Variants in APBA1 observed in about 807,000 individuals in gnomAD.
APBA1 encodes the protein amyloid-beta A4 precursor protein-binding family A member 1.
APBA1 carries 55 observed loss-of-function variants against 86.6 expected under a neutral mutation model. The observed-to-expected ratio is 0.64, with a 90% confidence interval of 0.51 to 0.80. The LOEUF (loss-of-function observed/expected upper bound fraction) is 0.80. Among genes scored for constraint, APBA1 ranks in the 30% least tolerant of loss-of-function variants. The pLI is 0.00. For synonymous variants in APBA1, 511 were observed against 493.9 expected (o/e 1.03, Z -0.46); for missense variants, 1,090 against 1,183.0 (o/e 0.92, Z 1.15).
intron 1 of APBA1, among the ~76,000 whole-genome samples, chr9:69,665,477 C>G (rs994639843): frequency 6.6e-6 from 1 of 152,202 alleles, no homozygotes; most frequent in Non-Finnish European, 1.5e-5. Flanking sequence ...GGTAAACGAG[C>G]TTTACCCTCA....
At chr9:69,601,635 T>A (rs112401121) in intron 1 of APBA1, among the ~76,000 whole-genome samples, 5 of 152,356 alleles carry the variant, frequency 3.3e-5, no homozygotes, top group African/African-American at 1.2e-4. Flanking sequence ...ATAGGGACTT[T>A]AAACTGATTT....
intron 1 of APBA1, among the ~76,000 whole-genome samples, chr9:69,662,245 G>A (rs1394503121): frequency 6.6e-6 from 1 of 152,150 alleles, no homozygotes; most frequent in Non-Finnish European, 1.5e-5. Context: ...GAACCTCTGA[G>A]AACCTCAAAG....
Position 69,517,261 on chromosome 9 carries a change from C to G in APBA1, c.-51G>C. 4.9e-6 allele frequency: 7 copies of G among 1,416,852 alleles called. No homozygotes were observed. Among genetic ancestry groups the G allele is most frequent in the South Asian group, 3.1e-5 (2 of 64,456 alleles). The allele number at this position is 1,416,852 out of a possible 1,614,324, so 87.8% of individuals were successfully genotyped here. A position where few individuals can be genotyped will look rare whatever the true frequency, so the allele number is the denominator to read the frequency against. ...GAAGCTGGGCCCGGCTCACTGCGCT[C>G]TCATTTTGCTCCACTGGGCTGGAAA... On this transcript the variant is annotated 5_prime_UTR_variant, in exon 2 of 13. Coordinates refer to ENST00000265381, the MANE Select transcript of APBA1 (RefSeq NM_001163.4).
intron 9 of APBA1, among the ~76,000 whole-genome samples, chr9:69,451,568 C>T (rs775935386): frequency 6.6e-6 from 1 of 152,094 alleles, no homozygotes; most frequent in Non-Finnish European, 1.5e-5. Context: ...GATCTCCAGG[C>T]TTCCAACCAT....
intron 1 of APBA1, among the ~76,000 whole-genome samples, chr9:69,559,841 T>C (rs1836921010): frequency 6.6e-6 from 1 of 152,230 alleles, no homozygotes; most frequent in Non-Finnish European, 1.5e-5. Flanking sequence ...TGGGTTTGAT[T>C]TTAGCAATGC....
intron 2 of APBA1, among the ~76,000 whole-genome samples, chr9:69,486,273 A>G (rs1479071057): frequency 6.6e-6 from 1 of 151,990 alleles, no homozygotes; most frequent in African/African-American, 2.4e-5. Context: ...CTGACTGAAC[A>G]TCTCTCTTAG....
At chr9:69,599,909 G>A (rs993242121) in intron 1 of APBA1, among the ~76,000 whole-genome samples, 2 of 152,172 alleles carry the variant, frequency 1.3e-5, no homozygotes, top group Non-Finnish European at 2.9e-5. Flanking sequence ...GGCTTCATGC[G>A]TTTTTACAAG....
intron 1 of APBA1, among the ~76,000 whole-genome samples, chr9:69,521,368 C>T (rs1202488266): frequency 2.0e-5 from 3 of 152,182 alleles, no homozygotes; most frequent in Non-Finnish European, 2.9e-5. Flanking sequence ...ATATTTTAAC[C>T]TATAACTTTT....
intron 5 of APBA1, chr9:69,462,343 T>C (rs575267887): frequency 1.8e-4 from 27 of 152,280 alleles, no homozygotes; most frequent in Admixed American, 9.8e-4. Context: ...AATGAGCTCA[T>C]TGTGCTGGCT....
chr9:69,538,212 A>G lies in APBA1; in HGVS notation c.-69-20933T>C, dbSNP rs1197913534. 2.0e-5 allele frequency among the ~76,000 whole-genome samples: 3 copies of G among 152,386 alleles called. No homozygotes were observed. The East Asian group carries it at 5.8e-4, about 29-fold the overall frequency. Reference sequence around the variant, plus strand: ...GGCAGGAAATTCTAAAATCAATTTAAGCAATTTGGGGAGTGAATGAGGTCA... The same window carrying G: ...GGCAGGAAATTCTAAAATCAATTTAGGCAATTTGGGGAGTGAATGAGGTCA... On this transcript the variant is annotated intron_variant, in intron 1 of 12. Coordinates refer to ENST00000265381, the MANE Select transcript of APBA1 (RefSeq NM_001163.4).
chr9:69,607,474 AC>A (rs1822499918), intron 1 of APBA1, among the ~76,000 whole-genome samples: 2 of 152,184 alleles, frequency 1.3e-5, no homozygotes, highest in South Asian at 4.1e-4. Context: ...GGGGACACAG[AC>A]AAACCATATC....
chr9:69,581,648 T>A (rs948370826), intron 1 of APBA1, among the ~76,000 whole-genome samples: 2 of 152,136 alleles, frequency 1.3e-5, no homozygotes, highest in South Asian at 4.1e-4. Flanking sequence ...GGAAGGAGTC[T>A]TCAGGAAGAA....
chr9:69,602,815 A>G (rs1383257814), intron 1 of APBA1, among the ~76,000 whole-genome samples: 4 of 152,168 alleles, frequency 2.6e-5, no homozygotes, highest in Non-Finnish European at 5.9e-5. Flanking sequence ...GACTGCCTAC[A>G]TTTCACAAAA....
chr9:69,531,210 C>T (rs941908758), intron 1 of APBA1, among the ~76,000 whole-genome samples: 1 of 152,132 alleles, frequency 6.6e-6, no homozygotes, highest in Admixed American at 6.5e-5. Flanking sequence ...TGGCTAGTGG[C>T]TACCATGACA....
At chr9:69,483,526 G>GAAAC (rs780042878) in intron 2 of APBA1, among the ~76,000 whole-genome samples, 3 of 151,948 alleles carry the variant, frequency 2.0e-5, no homozygotes, top group African/African-American at 7.3e-5. Flanking sequence ...AGCATAGTGT[G>GAAAC]AAACAAACAA....
chr9:69,650,892 T>A (rs1823485451), intron 1 of APBA1, among the ~76,000 whole-genome samples: 1 of 152,174 alleles, frequency 6.6e-6, no homozygotes, highest in Non-Finnish European at 1.5e-5. Context: ...CACATGCCCA[T>A]CCCTATGACG....
intron 1 of APBA1, among the ~76,000 whole-genome samples, chr9:69,542,930 G>C (rs1836637864): frequency 4.6e-5 from 7 of 152,290 alleles, no homozygotes; most frequent in South Asian, 2.1e-4. Context: ...AGAGAAGAGA[G>C]GGCAAGTGAA....
chr9:69,436,259 T>C (rs552344633), intron 11 of APBA1, among the ~76,000 whole-genome samples: 2 of 148,964 alleles, frequency 1.3e-5, no homozygotes, highest in Non-Finnish European at 3.0e-5. Context: ...CTTGGCAATG[T>C]GGGCTCTTTT....
intron 8 of APBA1, among the ~76,000 whole-genome samples, chr9:69,455,216 C>T (rs955737088): frequency 6.6e-6 from 1 of 152,182 alleles, no homozygotes; most frequent in Non-Finnish European, 1.5e-5. Flanking sequence ...CAGATCAGGA[C>T]TCCGTGCTCC....
Sources: gnomAD v4.1 joint callset for allele counts (sites outside exome capture counted in the v4.1 genomes callset) on GRCh38, gnomAD v4.1.1 for gene constraint, MANE v1.5 for transcripts, NCBI Gene and HGNC (gene_info 2026-07-23, HGNC 2026-07-21) for gene names.